NCK2: variants seen among roughly 807,000 people sequenced by gnomAD.
The protein encoded by NCK2 is cytoplasmic protein NCK2.
A neutral mutation model predicts 33.9 loss-of-function variants in NCK2; 16 were observed. That is an observed-to-expected ratio of 0.47 (90% CI 0.32 to 0.72). NCK2 has a LOEUF of 0.72. Ranked by LOEUF, NCK2 falls within the 30% of genes least tolerant of loss-of-function variation. The pLI is 0.03. For synonymous variants in NCK2, 273 were observed against 239.9 expected, an observed-to-expected ratio of 1.14 and a Z score of -1.27; for missense variants, 418 against 537.3, an observed-to-expected ratio of 0.78 and a Z score of 2.19.
chr2:105,865,149 C>A (rs1009276924), intron 3 of NCK2, among the ~76,000 whole-genome samples: 5 of 152,126 alleles, frequency 3.3e-5, no homozygotes, highest in Non-Finnish European at 5.9e-5. Context: ...AAGCCTAAAC[C>A]AAGTCCCCCA....
intron 1 of NCK2, among the ~76,000 whole-genome samples, chr2:105,788,642 G>A (rs1476703888): frequency 2.6e-5 from 4 of 152,120 alleles, no homozygotes; most frequent in Non-Finnish European, 4.4e-5. Flanking sequence ...GGCCAGTGCA[G>A]AACTTCCTCA....
intron 3 of NCK2, among the ~76,000 whole-genome samples, chr2:105,858,548 A>C (rs1422381588): frequency 6.6e-6 from 1 of 152,192 alleles, no homozygotes; most frequent in Non-Finnish European, 1.5e-5. Context: ...CACCTAATTC[A>C]TAAATCCATG....
At chr2:105,846,211 G>C (rs538550887) in intron 2 of NCK2, among the ~76,000 whole-genome samples, 2 of 152,084 alleles carry the variant, frequency 1.3e-5, no homozygotes, top group South Asian at 4.2e-4. Flanking sequence ...GTGTAAAATA[G>C]CATTTCCCAG....
At chr2:105,792,846 A>T (rs1366717212) in intron 1 of NCK2, among the ~76,000 whole-genome samples, 2 of 152,236 alleles carry the variant, frequency 1.3e-5, no homozygotes, top group East Asian at 3.9e-4. Flanking sequence ...TCCACCTGTA[A>T]TGCACAGGGG....
chr2:105,774,012 T>TTC (rs386390815), intron 1 of NCK2, among the ~76,000 whole-genome samples: 2 of 28,614 alleles, frequency 7.0e-5, no homozygotes, highest in African/African-American at 4.1e-4. Context: ...TCCAGCTATC[T>TTC]TTTTTTTTTT....
intron 4 of NCK2, among the ~76,000 whole-genome samples, chr2:105,888,341 T>G (rs1678802938): frequency 6.6e-6 from 1 of 152,204 alleles, no homozygotes; most frequent in Admixed American, 6.5e-5. Context: ...TTTGAAAATT[T>G]GAAGAATTTG....
At chr2:105,779,808 A>G (rs567146140) in intron 1 of NCK2, among the ~76,000 whole-genome samples, 8 of 152,182 alleles carry the variant, frequency 5.3e-5, no homozygotes, top group Non-Finnish European at 8.8e-5. Flanking sequence ...GTAGCTTTGT[A>G]GAGTCCTCAC....
intron 1 of NCK2, among the ~76,000 whole-genome samples, chr2:105,749,063 G>GCAA (rs1558819490): frequency 1.3e-5 from 2 of 152,106 alleles, no homozygotes; most frequent in African/African-American, 2.4e-5. Context: ...AACAACAACA[G>GCAA]CAACAACAAC....
chr2:105,794,814 G>A (rs1322335793), intron 1 of NCK2, among the ~76,000 whole-genome samples: 5 of 152,034 alleles, frequency 3.3e-5, no homozygotes, highest in Non-Finnish European at 5.9e-5. Context: ...GGGTTCAAGC[G>A]ATTCTCCTGC....
chr2:105,799,928 A>T (rs1218046785), intron 1 of NCK2, among the ~76,000 whole-genome samples: 1 of 152,220 alleles, frequency 6.6e-6, no homozygotes, highest in Admixed American at 6.5e-5. Context: ...GAAACACTCA[A>T]ACACTACATT....
chr2:105,822,832 C>G (rs1675795415), intron 2 of NCK2, among the ~76,000 whole-genome samples: 2 of 151,920 alleles, frequency 1.3e-5, no homozygotes, highest in Non-Finnish European at 2.9e-5. Flanking sequence ...GATAGTCCTC[C>G]CCTGAATTGT....
chr2:105,752,776 T>A (rs1689491918), intron 1 of NCK2, among the ~76,000 whole-genome samples: 1 of 152,246 alleles, frequency 6.6e-6, no homozygotes, highest in Non-Finnish European at 1.5e-5. Context: ...ATGATTTCAT[T>A]GTTTTTTTAT....
At chr2:105,777,923 A>G (rs1690366458) in intron 1 of NCK2, among the ~76,000 whole-genome samples, 1 of 152,202 alleles carries the variant, frequency 6.6e-6, no homozygotes. Flanking sequence ...GGTTTCGCCT[A>G]GCCGTTCAGC....
rs199930056 is a variant in NCK2, at chr2:105,855,192, C to T, written c.129C>T (p.Asn43=). 55 of 1,614,072 alleles carry T rather than the reference C, an allele frequency of 3.4e-5. 1 individual carries two copies. The highest frequency in any genetic ancestry group is 1.2e-4 in the South Asian group (11 of 91,080). The change falls in exon 3 of 5, where the codon AAC becomes AAT. Residue 43 remains asparagine, a synonymous_variant. Transcript: ENST00000233154. The part of the protein sequence containing the change: ...DDSKTWWRVR[N]AANRTGYVPS... ...CCAAGACGTGGTGGCGGGTGAGGAA[C>T]GCGGCCAACAGGACGGGCTATGTAC...
At chr2:105,838,515 C>A (rs1259932962) in intron 2 of NCK2, among the ~76,000 whole-genome samples, 1 of 152,014 alleles carries the variant, frequency 6.6e-6, no homozygotes, top group Admixed American at 6.6e-5. Context: ...ACCAAAGTAG[C>A]TGAATAATAT....
chr2:105,789,881 A>T (rs775979429), intron 1 of NCK2, among the ~76,000 whole-genome samples: 13 of 152,220 alleles, frequency 8.5e-5, no homozygotes, highest in Non-Finnish European at 1.5e-4. Flanking sequence ...GGCACACCTC[A>T]CCATCAGATA....
intron 1 of NCK2, among the ~76,000 whole-genome samples, chr2:105,805,393 C>G (rs1674994551): frequency 6.6e-6 from 1 of 152,090 alleles, no homozygotes; most frequent in Non-Finnish European, 1.5e-5. Flanking sequence ...ACTAAGTATT[C>G]TTAAAGCTAA....
At chr2:105,822,917 C>T (rs984672543) in intron 2 of NCK2, among the ~76,000 whole-genome samples, 1 of 152,000 alleles carries the variant, frequency 6.6e-6, no homozygotes, top group African/African-American at 2.4e-5. Context: ...ACCTGTGTCT[C>T]ACACCTGAAT....
chr2:105,851,037 AAG>A (rs1348949373), intron 2 of NCK2, among the ~76,000 whole-genome samples: 2 of 152,280 alleles, frequency 1.3e-5, no homozygotes, highest in Non-Finnish European at 2.9e-5. Context: ...TGTGTTGGCA[AAG>A]AGAGAAAAGA....
Sources: gnomAD v4.1 joint callset for allele counts (sites outside exome capture counted in the v4.1 genomes callset) on GRCh38, gnomAD v4.1.1 for gene constraint, MANE v1.5 for transcripts, NCBI Gene and HGNC (gene_info 2026-07-23, HGNC 2026-07-21) for gene names.